GPC6: variants seen among roughly 807,000 people sequenced by gnomAD.
GPC6 encodes glypican 6.
A neutral mutation model predicts 55.2 loss-of-function variants in GPC6; 14 were observed. The observed-to-expected ratio is 0.25, with a 90% CI of 0.17 to 0.40. GPC6 has a LOEUF of 0.40. Among genes scored for constraint, GPC6 ranks in the 10% least tolerant of loss-of-function variants. The pLI is 1.00. For synonymous variants in GPC6, 278 were observed against 259.6 expected (o/e 1.07, Z -0.68); for missense variants, 641 against 708.5 (o/e 0.90, Z 1.08).
chr13:93,561,364 A>G (rs547916253), intron 2 of GPC6, among the ~76,000 whole-genome samples: 12 of 140,124 alleles, frequency 8.6e-5, no homozygotes, highest in African/African-American at 3.0e-4. Context: ...AGTAAGATTG[A>G]TACACATTTA....
intron 1 of GPC6, among the ~76,000 whole-genome samples, chr13:93,386,388 T>G (rs1262805018): frequency 6.6e-6 from 1 of 152,226 alleles, no homozygotes; most frequent in Non-Finnish European, 1.5e-5. Context: ...TCCTGCCTTT[T>G]TCCTCTTGTC....
At chr13:94,214,654 G>C (rs529667762) in intron 4 of GPC6, among the ~76,000 whole-genome samples, 1 of 151,952 alleles carries the variant, frequency 6.6e-6, no homozygotes, top group East Asian at 1.9e-4. Flanking sequence ...TTTTTTTTCA[G>C]ATTTAACCTT....
At chr13:93,586,804 G>A (rs993862651) in intron 2 of GPC6, among the ~76,000 whole-genome samples, 1 of 152,144 alleles carries the variant, frequency 6.6e-6, no homozygotes, top group Admixed American at 6.5e-5. Flanking sequence ...ACACAGAAAT[G>A]TTCTATACTA....
At chr13:93,676,554 A>G (rs1047577694) in intron 2 of GPC6, among the ~76,000 whole-genome samples, 1 of 152,174 alleles carries the variant, frequency 6.6e-6, no homozygotes, top group Non-Finnish European at 1.5e-5. Flanking sequence ...GTTGAGAACT[A>G]GAGAGTATAT....
chr13:93,341,831 T>C (rs1021562891), intron 1 of GPC6, among the ~76,000 whole-genome samples: 2 of 152,000 alleles, frequency 1.3e-5, no homozygotes, highest in African/African-American at 4.8e-5. Context: ...GTCCAGAAGA[T>C]TTTTTTCTGA....
chr13:93,742,388 TA>T (rs1884237695), intron 2 of GPC6, among the ~76,000 whole-genome samples: 1 of 152,218 alleles, frequency 6.6e-6, no homozygotes, highest in Non-Finnish European at 1.5e-5. Flanking sequence ...AAGTTGGCCC[TA>T]AAATACAAAT....
chr13:94,240,269 T>A (rs1891014782), intron 4 of GPC6, among the ~76,000 whole-genome samples: 1 of 152,164 alleles, frequency 6.6e-6, no homozygotes, highest in East Asian at 1.9e-4. Flanking sequence ...TGGGGCTGAC[T>A]CTGAGCTCCT....
At chr13:94,296,925 A>G (rs1875363594) in intron 5 of GPC6, among the ~76,000 whole-genome samples, 1 of 152,172 alleles carries the variant, frequency 6.6e-6, no homozygotes, top group Admixed American at 6.5e-5. Context: ...TATAATTCAT[A>G]TAACTGTAAG....
chr13:93,416,097 G>C (rs557715840), intron 1 of GPC6, among the ~76,000 whole-genome samples: 1 of 152,014 alleles, frequency 6.6e-6, no homozygotes, highest in South Asian at 2.1e-4. Flanking sequence ...TTTGGCTTAT[G>C]CAACTCTATT....
chr13:94,348,163 A>C lies in GPC6; in HGVS notation c.1153-34251A>C, dbSNP rs555222725. On this transcript the variant is annotated intron_variant, in intron 6 of 8. Transcript: ENST00000377047. Reference sequence around the variant, plus strand: ...TATAAGGGCCTTAGGATTCTCCTACACTTCTACCAAAATGAGCTTTCTAAA... The same window carrying C: ...TATAAGGGCCTTAGGATTCTCCTACCCTTCTACCAAAATGAGCTTTCTAAA... Among the ~76,000 whole-genome samples, 36 of 152,332 alleles carry C rather than the reference A, an allele frequency of 2.4e-4. 1 individual carries two copies. The South Asian group carries it at 7.0e-3, about 30-fold the overall frequency.
At chr13:93,438,112 C>G (rs917754512) in intron 1 of GPC6, among the ~76,000 whole-genome samples, 3 of 152,026 alleles carry the variant, frequency 2.0e-5, no homozygotes, top group Non-Finnish European at 4.4e-5. Flanking sequence ...TTCCTGAGAC[C>G]TACTGCTCAG....
intron 4 of GPC6, among the ~76,000 whole-genome samples, chr13:94,041,094 A>C (rs1883516055): frequency 6.6e-6 from 1 of 151,910 alleles, no homozygotes; most frequent in Non-Finnish European, 1.5e-5. Context: ...TGAACATCAC[A>C]AACCTGCTAA....
At chr13:93,537,147 A>G (rs1046604827) in intron 1 of GPC6, among the ~76,000 whole-genome samples, 3 of 152,100 alleles carry the variant, frequency 2.0e-5, no homozygotes, top group Non-Finnish European at 4.4e-5. Flanking sequence ...CCTCCCAGAA[A>G]AATTTTCGTA....
intron 2 of GPC6, among the ~76,000 whole-genome samples, chr13:93,620,259 C>T (rs924727302): frequency 6.6e-6 from 1 of 152,160 alleles, no homozygotes; most frequent in Non-Finnish European, 1.5e-5. Flanking sequence ...ACCATTGAGT[C>T]AGTGTAACTG....
chr13:94,354,972 C>G (rs1878719640), intron 6 of GPC6, among the ~76,000 whole-genome samples: 1 of 151,940 alleles, frequency 6.6e-6, no homozygotes, highest in Non-Finnish European at 1.5e-5. Flanking sequence ...AAAACAAACT[C>G]TACCTCTCCT....
At chr13:94,118,996 A>ATGTG (rs4001790) in intron 4 of GPC6, among the ~76,000 whole-genome samples, 20 of 150,528 alleles carry the variant, frequency 1.3e-4, no homozygotes, top group African/African-American at 4.6e-4. Flanking sequence ...TACATTATGT[A>ATGTG]TGTGTGTGTG....
chr13:93,424,247 T>C (rs906319645), intron 1 of GPC6, among the ~76,000 whole-genome samples: 2 of 152,178 alleles, frequency 1.3e-5, no homozygotes, highest in African/African-American at 4.8e-5. Context: ...GCCTCTGTGA[T>C]GGTCCTTCAG....
At chr13:93,496,067 T>A (rs1001058619) in intron 1 of GPC6, among the ~76,000 whole-genome samples, 2 of 152,084 alleles carry the variant, frequency 1.3e-5, no homozygotes, top group Admixed American at 6.5e-5. Context: ...TGGAGCTTCC[T>A]GGCTGCTTTG....
chr13:93,338,841 A>G (rs547527937), intron 1 of GPC6, among the ~76,000 whole-genome samples: 71 of 152,162 alleles, frequency 4.7e-4, no homozygotes, highest in Non-Finnish European at 8.8e-4. Context: ...GAGATTAACT[A>G]TGGGAATGGG....
Sources: gnomAD v4.1 joint callset for allele counts (sites outside exome capture counted in the v4.1 genomes callset) on GRCh38, gnomAD v4.1.1 for gene constraint, MANE v1.5 for transcripts, NCBI Gene and HGNC (gene_info 2026-07-23, HGNC 2026-07-21) for gene names.